Variants in ANKRD33B observed in about 807,000 individuals in gnomAD.
ANKRD33B encodes the protein ankyrin repeat domain-containing protein 33B.
In ANKRD33B, 6 loss-of-function variants were observed where a neutral mutation model predicts 21.5. The observed-to-expected ratio is 0.28, with a 90% CI of 0.15 to 0.55. ANKRD33B has a LOEUF of 0.55. ANKRD33B is among the 20% of genes least tolerant of loss of function. ANKRD33B has a pLI of 0.94. For missense variants in ANKRD33B, 698 were observed against 747.2 expected (o/e 0.93, Z 0.77); for synonymous variants, 347 against 342.4 (o/e 1.01, Z -0.15).
intron 1 of ANKRD33B, among the ~76,000 whole-genome samples, chr5:10,567,022 T>A (rs1735077789): frequency 6.6e-6 from 1 of 152,262 alleles, no homozygotes; most frequent in Non-Finnish European, 1.5e-5. Flanking sequence ...CTCGCTGCTT[T>A]TCTTCCCCTT....
intron 2 of ANKRD33B, among the ~76,000 whole-genome samples, chr5:10,622,481 G>A (rs1490145437): frequency 6.6e-6 from 1 of 152,130 alleles, no homozygotes; most frequent in Non-Finnish European, 1.5e-5. Flanking sequence ...TCAAAAACGC[G>A]GTTAAATTTT....
intron 1 of ANKRD33B, among the ~76,000 whole-genome samples, chr5:10,608,075 A>G (rs1736088170): frequency 6.6e-6 from 1 of 152,046 alleles, no homozygotes; most frequent in African/African-American, 2.4e-5. Context: ...CAGGCTGAGT[A>G]CGGGGGCTCA....
intron 1 of ANKRD33B, among the ~76,000 whole-genome samples, chr5:10,583,595 A>T (rs1045442237): frequency 2.6e-5 from 4 of 152,094 alleles, no homozygotes; most frequent in Admixed American, 6.5e-5. Flanking sequence ...AGGGAGTAAG[A>T]TTGTTGGAGT....
In ANKRD33B at chr5:10,638,153, G is replaced by A. The variant is rs1180104490; in HGVS notation, c.622G>A (p.Ala208Thr). The A allele has an allele frequency of 4.6e-6, 7 of 1,537,282 alleles. No homozygotes were observed. Among genetic ancestry groups the A allele is most frequent in the South Asian group, 1.2e-5 (1 of 84,058 alleles). The part of the protein sequence containing the change: ...AMQGRTDCIR[A>T]LMLAGADVHA... Reference sequence around the variant, plus strand: ...GCAGGGTCGAACGGACTGCATCCGAGCCCTGATGCTAGCAGGTATGTCCAC... The same window carrying A: ...GCAGGGTCGAACGGACTGCATCCGAACCCTGATGCTAGCAGGTATGTCCAC... Residue 208 changes from alanine to threonine, a missense_variant, in exon 3 of 4, where the codon GCC (alanine) becomes ACC (threonine). Ala to Thr is a moderately conservative substitution (Grantham distance 58). Coordinates refer to ENST00000296657, the MANE Select transcript of ANKRD33B (RefSeq NM_001164440.2).
chr5:10,608,823 A>T (rs945827368), intron 1 of ANKRD33B, among the ~76,000 whole-genome samples: 1 of 152,256 alleles, frequency 6.6e-6, no homozygotes, highest in Non-Finnish European at 1.5e-5. Context: ...TGGTAAATGA[A>T]AAACAAGTGG....
intron 2 of ANKRD33B, chr5:10,627,494 G>T (rs534092938): frequency 6.6e-5 from 10 of 151,832 alleles, no homozygotes; most frequent in Admixed American, 6.5e-4. Context: ...GATGCTGCCC[G>T]GGGACGGGGA....
At chr5:10,584,826 A>G (rs1370814933) in intron 1 of ANKRD33B, among the ~76,000 whole-genome samples, 1 of 152,144 alleles carries the variant, frequency 6.6e-6, no homozygotes, top group East Asian at 1.9e-4. Flanking sequence ...TGCTCAGGAG[A>G]TGGGATAAGG....
chr5:10,636,041 T>C (rs1323100143), intron 2 of ANKRD33B, among the ~76,000 whole-genome samples: 1 of 152,204 alleles, frequency 6.6e-6, no homozygotes, highest in African/African-American at 2.4e-5. Context: ...CCCAGAGTGA[T>C]GTCCTTGCCA....
At chr5:10,601,349 G>A (rs915548701) in intron 1 of ANKRD33B, among the ~76,000 whole-genome samples, 3 of 152,086 alleles carry the variant, frequency 2.0e-5, no homozygotes, top group Non-Finnish European at 4.4e-5. Flanking sequence ...TTCCCCACTC[G>A]TCAGCTCCAC....
At chr5:10,594,786 G>A (rs751893901) in intron 1 of ANKRD33B, among the ~76,000 whole-genome samples, 1 of 152,170 alleles carries the variant, frequency 6.6e-6, no homozygotes, top group African/African-American at 2.4e-5. Context: ...GGTGGGATTC[G>A]GCACTGGGAA....
chr5:10,640,244 C>T (rs1015723948), intron 3 of ANKRD33B, among the ~76,000 whole-genome samples: 1 of 152,152 alleles, frequency 6.6e-6, no homozygotes, highest in African/African-American at 2.4e-5. Context: ...TATGCTGTGT[C>T]ATAGAGTGGA....
At chr5:10,640,858 G>T (rs957995964) in intron 3 of ANKRD33B, among the ~76,000 whole-genome samples, 1 of 152,200 alleles carries the variant, frequency 6.6e-6, no homozygotes, top group Non-Finnish European at 1.5e-5. Flanking sequence ...TTCGATGTCT[G>T]CTGATGCCCC....
intron 2 of ANKRD33B, among the ~76,000 whole-genome samples, chr5:10,624,422 G>A (rs1317898996): frequency 1.3e-5 from 2 of 152,042 alleles, no homozygotes; most frequent in Non-Finnish European, 2.9e-5. Context: ...GAGCCGCCGG[G>A]CCTGGCCTTT....
chr5:10,653,856 G>C lies in ANKRD33B; in HGVS notation c.*3743G>C, dbSNP rs1045196428. 6.6e-6 allele frequency: 1 copy of C among 152,352 alleles called. No individual in the cohort carries two copies. Among genetic ancestry groups the C allele is most frequent in the Non-Finnish European group, 1.5e-5 (1 of 68,110 alleles). The allele number at this position is 152,352 out of a possible 1,614,324, so 9.4% of individuals were successfully genotyped here. A position where few individuals can be genotyped will look rare whatever the true frequency, so the allele number is the denominator to read the frequency against. ...CTTTGAACAGCTGCATTCACTCACCGAGGGCTCGCCCTCCCTGGATCTGCC... is the reference window on the plus strand; with the variant it reads ...CTTTGAACAGCTGCATTCACTCACCCAGGGCTCGCCCTCCCTGGATCTGCC... On this transcript the variant is annotated 3_prime_UTR_variant, in exon 4 of 4. Transcript: ENST00000296657.
chr5:10,572,786 T>C (rs1387973890), intron 1 of ANKRD33B, among the ~76,000 whole-genome samples: 1 of 152,234 alleles, frequency 6.6e-6, no homozygotes. Context: ...TGGTTACACC[T>C]GCTTCTTCCT....
At chr5:10,577,519 T>C (rs1461065472) in intron 1 of ANKRD33B, among the ~76,000 whole-genome samples, 2 of 152,218 alleles carry the variant, frequency 1.3e-5, no homozygotes, top group African/African-American at 4.8e-5. Context: ...GGTGTCGGGC[T>C]ATGCACAGGC....
chr5:10,657,793 TAAA>T lies in ANKRD33B; in HGVS notation c.*7684_*7686del, dbSNP rs904534001. ...ATGTGGGAGAATTGTGGCTAAAGAATAAAAAATCACTTGTTAAAACGCATTCTT... is the reference window on the plus strand; with the variant it reads ...ATGTGGGAGAATTGTGGCTAAAGAATAAATCACTTGTTAAAACGCATTCTT... On this transcript the variant is annotated 3_prime_UTR_variant, in exon 4 of 4. Coordinates refer to ENST00000296657, the MANE Select transcript of ANKRD33B (RefSeq NM_001164440.2). 1 of 152,342 alleles carries T rather than the reference TAAA, an allele frequency of 6.6e-6. No individual in the cohort carries two copies. Among genetic ancestry groups the T allele is most frequent in the Non-Finnish European group, 1.5e-5 (1 of 68,002 alleles). The allele number at this position is 152,342 out of a possible 1,614,324, so 9.4% of individuals were successfully genotyped here.
chr5:10,590,980 A>G (rs2126560581), intron 1 of ANKRD33B, among the ~76,000 whole-genome samples: 1 of 152,246 alleles, frequency 6.6e-6, no homozygotes, highest in East Asian at 1.9e-4. Flanking sequence ...CTCAGGGGAA[A>G]AGTGCCTCTG....
Position 10,649,348 on chromosome 5 carries a change from C to G in ANKRD33B, c.720C>G (p.Val240=). 1 of 1,535,344 alleles carries G rather than the reference C, an allele frequency of 6.5e-7. No individual in the cohort carries two copies. ...WATYTGRVDA[V]RLMQRLLERP... is the part of the protein sequence containing the mutation. ...CTTACACGGGCCGCGTGGATGCCGT[C>G]CGTCTCATGCAGAGGCTGCTGGAGC... The change falls in exon 4 of 4, where the codon GTC becomes GTG. Residue 240 remains valine, a synonymous_variant. Transcript: ENST00000296657.
Sources: allele counts gnomAD v4.1 joint callset (sites outside exome capture counted in the v4.1 genomes callset), GRCh38; gene constraint gnomAD v4.1.1; transcripts MANE v1.5; gene names NCBI Gene and HGNC (gene_info 2026-07-23, HGNC 2026-07-21).